ROS1: variants seen among roughly 807,000 people sequenced by gnomAD.
ROS1 encodes proto-oncogene tyrosine-protein kinase ROS.
In ROS1, 263 loss-of-function variants were observed where a neutral mutation model predicts 273.5. The ratio of observed to expected loss-of-function variants is 0.96; its 90% CI spans 0.87 to 1.06. ROS1 has a LOEUF of 1.06. Ranked by LOEUF, ROS1 falls within the 50% of genes least tolerant of loss-of-function variation. ROS1 has a pLI of 0.00. For missense variants in ROS1, 2,833 were observed against 2,751.1 expected, an observed-to-expected ratio of 1.03 and a Z score of -0.67; for synonymous variants, 1,008 against 954.1, an observed-to-expected ratio of 1.06 and a Z score of -1.04.
intron 7 of ROS1, among the ~76,000 whole-genome samples, chr6:117,400,350 G>A (rs568371890): frequency 3.9e-5 from 6 of 152,326 alleles, no homozygotes; most frequent in African/African-American, 1.4e-4. Flanking sequence ...AGTTAGGCAT[G>A]TGCTTTATCT....
chr6:117,331,826 C>T (rs1777094429), intron 32 of ROS1, among the ~76,000 whole-genome samples: 1 of 152,172 alleles, frequency 6.6e-6, no homozygotes, highest in Non-Finnish European at 1.5e-5. Flanking sequence ...TGCCCTGCAA[C>T]AGCTCCTGAA....
intron 41 of ROS1, among the ~76,000 whole-genome samples, chr6:117,309,369 A>G (rs532859650): frequency 1.3e-5 from 2 of 152,292 alleles, no homozygotes; most frequent in South Asian, 4.1e-4. Context: ...GTAGGCCTCC[A>G]TTATCTAAGA....
intron 35 of ROS1, among the ~76,000 whole-genome samples, chr6:117,321,644 C>T (rs771922380): frequency 2.0e-5 from 3 of 152,038 alleles, no homozygotes; most frequent in South Asian, 2.1e-4. Flanking sequence ...TAATGTATTT[C>T]TTACTGTTGT....
rs79152979 is a variant in ROS1, at chr6:117,343,458, C to T, written c.4506+602G>A. 9.5e-3 allele frequency among the ~76,000 whole-genome samples: 1,442 copies of T among 152,186 alleles called. 25 individuals are homozygous for T. The highest frequency in any genetic ancestry group is 0.032 in the African/African-American group (1,328 of 41,530). On this transcript the variant is annotated intron_variant, in intron 28 of 43. Transcript: ENST00000368507. ...AAGACAACTGAAATACTAATGAATA[C>T]ATTTCATCATTTCAATGATTGAATG... is the stretch of plus-strand genomic sequence containing the variant.
chr6:117,323,293 C>T (rs945466792), intron 35 of ROS1, among the ~76,000 whole-genome samples: 3 of 152,130 alleles, frequency 2.0e-5, no homozygotes, highest in Non-Finnish European at 4.4e-5. Flanking sequence ...ATTGTGACTC[C>T]AATCACTTTG....
At chr6:117,420,141 C>A (rs1775641870) in intron 1 of ROS1, among the ~76,000 whole-genome samples, 1 of 151,852 alleles carries the variant, frequency 6.6e-6, no homozygotes, top group Admixed American at 6.6e-5. Context: ...TAGTAAATTA[C>A]CTGGATTAGG....
intron 31 of ROS1, among the ~76,000 whole-genome samples, chr6:117,339,350 T>C (rs1056142953): frequency 6.6e-6 from 1 of 152,148 alleles, no homozygotes; most frequent in Non-Finnish European, 1.5e-5. Context: ...TGTGCTCTAG[T>C]TCCCTCATTT....
At chr6:117,382,853 A>G (rs1772265037) in intron 17 of ROS1, among the ~76,000 whole-genome samples, 2 of 152,118 alleles carry the variant, frequency 1.3e-5, no homozygotes, top group Admixed American at 1.3e-4. Flanking sequence ...CATTTTTCAG[A>G]TAAGGAAAGA....
chr6:117,397,696 G>T (rs1562364085), intron 7 of ROS1, among the ~76,000 whole-genome samples: 1 of 152,188 alleles, frequency 6.6e-6, no homozygotes. Flanking sequence ...GGCTGACTGA[G>T]CTTCAGCACC....
chr6:117,390,930 A>C (rs1773019052), intron 12 of ROS1, among the ~76,000 whole-genome samples: 1 of 152,248 alleles, frequency 6.6e-6, no homozygotes, highest in Non-Finnish European at 1.5e-5. Flanking sequence ...CTAAAATATA[A>C]AACCATTAAT....
chr6:117,357,368 G>A (rs1162175250), intron 25 of ROS1, among the ~76,000 whole-genome samples: 1 of 152,064 alleles, frequency 6.6e-6, no homozygotes, highest in East Asian at 1.9e-4. Context: ...TGCTACTTAG[G>A]TGCTAAAAGG....
chr6:117,358,819 C>G (rs1237651165), intron 24 of ROS1, among the ~76,000 whole-genome samples: 1 of 152,000 alleles, frequency 6.6e-6, no homozygotes, highest in Non-Finnish European at 1.5e-5. Context: ...CATGCTCATC[C>G]CCTCACTCAG....
chr6:117,396,871 C>CA, intron 8 of ROS1, 44 bp downstream of exon 8: 2 of 1,341,944 alleles, frequency 1.5e-6, no homozygotes, highest in Non-Finnish European at 1.1e-6. Flanking sequence ...ATCATGCCTG[C>CA]AGCCATGCTG....
At chr6:117,411,723 TATTC>T (rs1207063045) in intron 4 of ROS1, among the ~76,000 whole-genome samples, 5 of 152,184 alleles carry the variant, frequency 3.3e-5, no homozygotes, top group Admixed American at 2.6e-4. Context: ...CCTTAAAAAT[TATTC>T]ATTCATTCAT....
chr6:117,416,259 C>T lies in ROS1; in HGVS notation c.227G>A (p.Cys76Tyr). 1 of 1,558,300 alleles carries T rather than the reference C, an allele frequency of 6.4e-7. No homozygotes were observed. The highest frequency in any genetic ancestry group is 8.9e-7 in the Non-Finnish European group (1 of 1,129,342). ...SVDQKNCALK[C>Y]NDTYATVCER... is the part of the protein sequence containing the mutation. ...AATAGAAATCTAATTAATACTTACACACTTTAAAGCACAGTTTTTCTGATC... is the reference window on the plus strand; with the variant it reads ...AATAGAAATCTAATTAATACTTACATACTTTAAAGCACAGTTTTTCTGATC... Residue 76 changes from cysteine (C) to tyrosine (Y), a missense_variant and splice_region_variant, in exon 3 of 44, where the codon TGT (cysteine) becomes TAT (tyrosine). By Grantham distance (194) the Cys-to-Tyr change is radical (BLOSUM62 -2). Transcript: ENST00000368507.
rs557649857 is a variant in ROS1 at position 117,425,866 on chromosome 6, A to G, written c.-210T>C. 19 of 476,924 alleles carry G rather than the reference A, an allele frequency of 4.0e-5. No individual in the cohort carries two copies. Among genetic ancestry groups the G allele is most frequent in the African/African-American group, 3.6e-4 (18 of 49,550 alleles). 29.5% of individuals were successfully genotyped at this position (476,924 alleles called of 1,614,324 possible). A position where few individuals can be genotyped will look rare whatever the true frequency, so the allele number is the denominator to read the frequency against. ...ATGCTTGAAAGCTTGTAACAGTTCC[A>G]TAAGAGCTATTTCATAACAGCTTCC... On this transcript the variant is annotated 5_prime_UTR_variant, in exon 1 of 44. An upstream start codon of the reference 5' UTR is lost. Transcript: ENST00000368507.
intron 14 of ROS1, 96 bp from the exon 15 acceptor site, chr6:117,387,095 T>G (rs887814619): frequency 1.8e-6 from 1 of 545,184 alleles, no homozygotes; most frequent in Non-Finnish European, 3.2e-6. Context: ...ATCTTATGAT[T>G]TTCTATATAA....
chr6:117,353,424 A>G (rs1779046635), intron 26 of ROS1, among the ~76,000 whole-genome samples: 1 of 152,244 alleles, frequency 6.6e-6, no homozygotes, highest in Non-Finnish European at 1.5e-5. Context: ...TGAAGTTTAA[A>G]GGAGTTAAAT....
intron 39 of ROS1, among the ~76,000 whole-genome samples, chr6:117,316,703 G>A (rs1245706781): frequency 6.6e-6 from 1 of 152,056 alleles, no homozygotes; most frequent in Non-Finnish European, 1.5e-5. Flanking sequence ...AGCTCCGTTT[G>A]GGGCAAAATA....
Sources: allele counts gnomAD v4.1 joint callset (sites outside exome capture counted in the v4.1 genomes callset), GRCh38; gene constraint gnomAD v4.1.1; transcripts MANE v1.5; gene names NCBI Gene and HGNC (gene_info 2026-07-23, HGNC 2026-07-21).